DUSP10: variants seen among roughly 807,000 people sequenced by gnomAD.
The protein encoded by DUSP10 is dual specificity protein phosphatase 10.
A neutral mutation model predicts 30.8 loss-of-function variants in DUSP10; 14 were observed. The ratio of observed to expected loss-of-function variants is 0.46; its 90% confidence interval spans 0.30 to 0.71. DUSP10 has a LOEUF of 0.71. Ranked by LOEUF, DUSP10 falls within the 30% of genes least tolerant of loss-of-function variation. DUSP10 has a pLI of 0.08. For missense variants in DUSP10, 550 were observed against 619.4 expected (o/e 0.89, Z 1.19); for synonymous variants, 254 against 250.4 (o/e 1.01, Z -0.14).
chr1:221,702,470 T>A lies in DUSP10; in HGVS notation c.1391A>T (p.Asn464Ile), dbSNP rs1356242495. The change falls in exon 4 of 4, where the codon AAC becomes ATC. Residue 464 changes from asparagine (N) to isoleucine (I), a missense_variant. Physicochemically the swap from Asn to Ile is moderately radical, Grantham distance 149. Transcript: ENST00000366899. This position sits in a 1 kb window ranked among gnomAD's most constrained non-coding sequence, Gnocchi z 4.5. ...TGTAAGGATTCTCGGTGTCACACCG[T>A]TGTTTAGGTCTTCCTCGAACTCTAG... ...QLLEFEEDLN[N>I]GVTPRILTPK... 1.2e-6 allele frequency: 2 copies of A among 1,613,760 alleles called. No individual in the cohort carries two copies. Among genetic ancestry groups the A allele is most frequent in the South Asian group, 2.2e-5 (2 of 91,056 alleles).
chr1:221,716,280 A>G (rs1302858174), intron 2 of DUSP10, among the ~76,000 whole-genome samples: 1 of 152,066 alleles, frequency 6.6e-6, no homozygotes, highest in Non-Finnish European at 1.5e-5. Flanking sequence ...AGGCTCTGCT[A>G]GTGCAGAGAA....
At chr1:221,709,772 G>C (rs1439270383) in intron 2 of DUSP10, among the ~76,000 whole-genome samples, 1 of 152,118 alleles carries the variant, frequency 6.6e-6, no homozygotes, top group Non-Finnish European at 1.5e-5. Context: ...ATCTGGAGGG[G>C]AGGGGGAAGA....
At chr1:221,705,027 G>A (rs1002792545) in intron 3 of DUSP10, among the ~76,000 whole-genome samples, 2 of 151,520 alleles carry the variant, frequency 1.3e-5, no homozygotes, top group African/African-American at 4.9e-5. Flanking sequence ...ACCCCTTTAT[G>A]GTAATAAAAG....
intron 2 of DUSP10, among the ~76,000 whole-genome samples, chr1:221,738,572 T>G (rs1661846887): frequency 6.6e-6 from 1 of 152,216 alleles, no homozygotes; most frequent in Admixed American, 6.5e-5. Context: ...GACAATAACT[T>G]TCCAACTAGT....
At chr1:221,728,897 C>A (rs1661499663) in intron 2 of DUSP10, among the ~76,000 whole-genome samples, 1 of 152,162 alleles carries the variant, frequency 6.6e-6, no homozygotes, top group Non-Finnish European at 1.5e-5. Context: ...AAATATCATC[C>A]TTCTATCCAC....
chr1:221,706,114 T>C lies in DUSP10; in HGVS notation c.1164A>G (p.Glu388=). The C allele has an allele frequency of 6.2e-7, 1 of 1,613,906 alleles. No individual in the cohort carries two copies. Among genetic ancestry groups the C allele is most frequent in the East Asian group, 2.2e-5 (1 of 44,866 alleles). Residue 388 remains glutamate (E), a synonymous_variant, in exon 3 of 4, where the codon GAA becomes GAG. Transcript: ENST00000366899. The surrounding 1 kb of genome is among the most constrained non-coding windows in gnomAD (Gnocchi z 4.6). The part of the protein sequence containing the change: ...SNKQNLRQYF[E]EAFEFIEEAH... ...AGTTACCAATGAACTCAAAAGCCTC[T>C]TCAAAGTACTGCCGCAGGTTCTGCT...
At position 221,706,034 on chromosome 1, in the gene DUSP10, A is replaced by T; in HGVS notation, c.1183+61T>A. 1 of 1,557,820 alleles carries T rather than the reference A, an allele frequency of 6.4e-7. No individual in the cohort carries two copies. Among genetic ancestry groups the T allele is most frequent in the Non-Finnish European group, 8.7e-7 (1 of 1,152,552 alleles). ...GGAATAAACCTTGAACTTGATATCA[A>T]AGCAAGAGCTGGAGGGAAAAGGAAG... On this transcript the variant is annotated intron_variant, in intron 3 of 3. Coordinates refer to ENST00000366899, the MANE Select transcript of DUSP10 (RefSeq NM_007207.6). The surrounding 1 kb of genome is among the most constrained non-coding windows in gnomAD (Gnocchi z 4.6).
chr1:221,728,256 A>G (rs1284750554), intron 2 of DUSP10, among the ~76,000 whole-genome samples: 1 of 152,216 alleles, frequency 6.6e-6, no homozygotes, highest in Non-Finnish European at 1.5e-5. Flanking sequence ...CTGTTTTAGC[A>G]GCATAAAATG....
intron 3 of DUSP10, among the ~76,000 whole-genome samples, chr1:221,705,371 A>G (rs556597121): frequency 1.3e-5 from 2 of 152,182 alleles, no homozygotes; most frequent in East Asian, 3.9e-4. Context: ...TCGGCCTCCC[A>G]ATGTGCTGGG....
chr1:221,713,145 A>G (rs1660991218), intron 2 of DUSP10, among the ~76,000 whole-genome samples: 1 of 152,222 alleles, frequency 6.6e-6, no homozygotes, highest in East Asian at 1.9e-4. Flanking sequence ...TCAGAGCAGT[A>G]GGAAAAGGAG....
chr1:221,712,777 C>CAAAAAGAAAAAAAAA (rs1660977994), intron 2 of DUSP10, among the ~76,000 whole-genome samples: 1 of 56,950 alleles, frequency 1.8e-5, no homozygotes, highest in African/African-American at 7.9e-5. Flanking sequence ...TATAAAGCAG[C>CAAAAAGAAAAAAAAA]AAAAAAAAAA....
At chr1:221,714,379 G>T (rs949240512) in intron 2 of DUSP10, among the ~76,000 whole-genome samples, 1 of 152,164 alleles carries the variant, frequency 6.6e-6, no homozygotes, top group African/African-American at 2.4e-5. Flanking sequence ...CAAGCAAACT[G>T]AGAGCTCGCA....
intron 2 of DUSP10, among the ~76,000 whole-genome samples, chr1:221,735,707 A>G (rs1661745020): frequency 6.6e-6 from 1 of 152,174 alleles, no homozygotes; most frequent in South Asian, 2.1e-4. Context: ...TGTCTTTAAG[A>G]AAAAGGGGCA....
At position 221,725,270 on chromosome 1, in the gene DUSP10, C is replaced by A. The variant is rs557846062; in HGVS notation, c.811+13664G>T. 7.9e-5 allele frequency among the ~76,000 whole-genome samples: 12 copies of A among 152,330 alleles called. No individual in the cohort carries two copies. The South Asian group carries it at 2.5e-3, about 32-fold the overall frequency. The stretch of plus-strand genomic sequence containing the variant: ...GATTTCAAGGTAATTATTTAGGCAA[C>A]TTTGTAGCATCTCATTCTCAGGCCT... On this transcript the variant is annotated intron_variant, in intron 2 of 3. Transcript: ENST00000366899.
chr1:221,706,061 C>T lies in DUSP10; in HGVS notation c.1183+34G>A. On this transcript the variant is annotated intron_variant, in intron 3 of 3. Coordinates refer to ENST00000366899, the MANE Select transcript of DUSP10 (RefSeq NM_007207.6). The surrounding 1 kb of genome is among the most constrained non-coding windows in gnomAD (Gnocchi z 4.6). ...GCAAGAGCTGGAGGGAAAAGGAAGGCAGCGGATGAAAATTCCCTATGGGAG... is the reference window on the plus strand; with the variant it reads ...GCAAGAGCTGGAGGGAAAAGGAAGGTAGCGGATGAAAATTCCCTATGGGAG... The T allele has an allele frequency of 6.3e-7, 1 of 1,587,602 alleles. No individual in the cohort carries two copies. The highest frequency in any genetic ancestry group is 1.1e-5 in the South Asian group (1 of 87,530).
chr1:221,739,193 G>C lies in DUSP10; in HGVS notation c.552C>G (p.Asn184Lys). 1 of 1,614,192 alleles carries C rather than the reference G, an allele frequency of 6.2e-7. No homozygotes were observed. The highest frequency in any genetic ancestry group is 1.1e-5 in the South Asian group (1 of 91,082). Residue 184 changes from asparagine (N) to lysine (K), a missense_variant, in exon 2 of 4, where the codon AAC (asparagine) becomes AAG (lysine). By Grantham distance (94) the Asn-to-Lys change is moderately conservative. Transcript: ENST00000366899. The part of the protein sequence containing the change: ...IIDCRPFMEY[N>K]KSHIQGAVHI... Reference sequence around the variant, plus strand: ...GGACAGCTCCTTGGATGTGACTCTTGTTGTACTCCATGAAGGGCCTGCAGT... The same window carrying C: ...GGACAGCTCCTTGGATGTGACTCTTCTTGTACTCCATGAAGGGCCTGCAGT...
chr1:221,715,384 T>C (rs1165171132), intron 2 of DUSP10, among the ~76,000 whole-genome samples: 1 of 152,122 alleles, frequency 6.6e-6, no homozygotes, highest in Admixed American at 6.5e-5. Flanking sequence ...CAGGGCAGAA[T>C]TGGTATAGAA....
chr1:221,736,904 G>A (rs1253024404), intron 2 of DUSP10: 8 of 985,264 alleles, frequency 8.1e-6, no homozygotes, highest in African/African-American at 1.7e-5. Context: ...CGAAAATGAC[G>A]AGGCCTCGCA....
At chr1:221,733,373 T>TC (rs1168776221) in intron 2 of DUSP10, among the ~76,000 whole-genome samples, 1 of 152,220 alleles carries the variant, frequency 6.6e-6, no homozygotes, top group Admixed American at 6.5e-5. Context: ...TCAGTTTCCT[T>TC]CCCCTGCTTT....
Sources: gnomAD v4.1 joint callset for allele counts (sites outside exome capture counted in the v4.1 genomes callset) on GRCh38, gnomAD v4.1.1 for gene constraint, Gnocchi (gnomAD v3.1) non-coding constraint, MANE v1.5 for transcripts, NCBI Gene and HGNC (gene_info 2026-07-23, HGNC 2026-07-21) for gene names.